OR4K5: variants seen among roughly 807,000 people sequenced by gnomAD.
OR4K5 encodes olfactory receptor family 4 subfamily K member 5.
For synonymous variants in OR4K5, 187 were observed against 142.2 expected (o/e 1.31, Z -2.24); for missense variants, 520 against 377.1 (o/e 1.38, Z -3.14).
At position 19,921,361 on chromosome 14, in the gene OR4K5, G is replaced by A. The variant is rs772222279; in HGVS notation, c.755G>A (p.Gly252Glu). The change falls in exon 1 of 1, where the codon GGA becomes GAA. Residue 252 changes from glycine to glutamate, a missense_variant. Coordinates refer to ENST00000315915, the MANE Select transcript of OR4K5 (RefSeq NM_001005483.1). The part of the protein sequence containing the change: ...SHIAVVILFF[G>E]PCIFIYVWPF... Reference sequence around the variant, plus strand: ...ATTGCAGTAGTAATATTATTCTTTGGACCTTGCATCTTCATCTATGTGTGG... The same window carrying A: ...ATTGCAGTAGTAATATTATTCTTTGAACCTTGCATCTTCATCTATGTGTGG... 7.4e-6 allele frequency: 12 copies of A among 1,613,990 alleles called. No individual in the cohort carries two copies. The highest frequency in any genetic ancestry group is 2.7e-5 in the African/African-American group (2 of 74,914).
Position 19,920,744 on chromosome 14 carries a change from C to T in OR4K5, c.138C>T (p.Ile46=), listed in dbSNP as rs763569652. The T allele has an allele frequency of 1.9e-6, 3 of 1,614,012 alleles. No homozygotes were observed. The highest frequency in any genetic ancestry group is 2.7e-5 in the African/African-American group (2 of 74,932). ...TVIVLGNLLI[I]LTVTSDTSLH... ...TTGTGCTGGGAAATCTTCTCATTAT[C>T]CTCACAGTGACTTCTGATACCAGCC... The change falls in exon 1 of 1, where the codon ATC becomes ATT. Residue 46 remains isoleucine (I), a synonymous_variant. Coordinates refer to ENST00000315915, the MANE Select transcript of OR4K5 (RefSeq NM_001005483.1).
Position 19,920,868 on chromosome 14 carries a change from G to A in OR4K5, c.262G>A (p.Ala88Thr), listed in dbSNP as rs774678964. The A allele has an allele frequency of 6.2e-7, 1 of 1,614,170 alleles. No homozygotes were observed. The highest frequency in any genetic ancestry group is 2.2e-5 in the East Asian group (1 of 44,894). Reference sequence around the variant, plus strand: ...TAAAATGATTGCAGATTTTCTGAGTGCACACGAGACCATATCTTTCAGTGG... The same window carrying A: ...TAAAATGATTGCAGATTTTCTGAGTACACACGAGACCATATCTTTCAGTGG... The part of the protein sequence containing the change: ...TPKMIADFLS[A>T]HETISFSGCI... The change falls in exon 1 of 1, where the codon GCA becomes ACA. Residue 88 changes from alanine to threonine, a missense_variant. Transcript: ENST00000315915.
At position 19,920,925 on chromosome 14, in the gene OR4K5, T is replaced by C; in HGVS notation, c.319T>C (p.Phe107Leu). ...CIAQIFFIHLFTGGEMVLLVS... is the reference protein window; with the variant it reads ...CIAQIFFIHLLTGGEMVLLVS... The stretch of plus-strand genomic sequence containing the variant: ...AGCCCAAATTTTCTTTATTCACCTT[T>C]TTACTGGAGGGGAGATGGTGCTACT... The change falls in exon 1 of 1, where the codon TTT (phenylalanine) becomes CTT (leucine). Residue 107 changes from phenylalanine (F) to leucine (L), a missense_variant. Transcript: ENST00000315915. 1 of 1,614,184 alleles carries C rather than the reference T, an allele frequency of 6.2e-7. No homozygotes were observed. Among genetic ancestry groups the C allele is most frequent in the Non-Finnish European group, 8.5e-7 (1 of 1,179,998 alleles).
Position 19,920,675 on chromosome 14 carries a change from C to T in OR4K5, c.69C>T (p.Leu23=), listed in dbSNP as rs144511665. 1.2e-4 allele frequency: 187 copies of T among 1,613,844 alleles called. No individual in the cohort carries two copies. In the African/African-American group the frequency reaches 2.2e-3, roughly 19 times the overall value. The change falls in exon 1 of 1, where the codon CTC becomes CTT. Residue 23 remains leucine, a synonymous_variant. Transcript: ENST00000315915. ...VLLGLCSSQK[L]QLFYFCFFSV... Reference sequence around the variant, plus strand: ...TGGGACTCTGTAGTTCTCAAAAACTCCAGCTTTTCTATTTTTGTTTCTTCT... The same window carrying T: ...TGGGACTCTGTAGTTCTCAAAAACTTCAGCTTTTCTATTTTTGTTTCTTCT...
chr14:19,920,916 A>T lies in OR4K5; in HGVS notation c.310A>T (p.Ile104Phe). 4 of 1,614,150 alleles carry T rather than the reference A, an allele frequency of 2.5e-6. No homozygotes were observed. The highest frequency in any genetic ancestry group is 3.4e-6 in the Non-Finnish European group (4 of 1,179,996). Residue 104 changes from isoleucine (I) to phenylalanine (F), a missense_variant, in exon 1 of 1, where the codon ATT becomes TTT. By Grantham distance (21) the Ile-to-Phe change is conservative (BLOSUM62 0). Coordinates refer to ENST00000315915, the MANE Select transcript of OR4K5 (RefSeq NM_001005483.1). ...FSGCIAQIFF[I>F]HLFTGGEMVL... ...TGGCTGCATAGCCCAAATTTTCTTT[A>T]TTCACCTTTTTACTGGAGGGGAGAT...
chr14:19,921,031 C>G lies in OR4K5; in HGVS notation c.425C>G (p.Thr142Ser). The change falls in exon 1 of 1, where the codon ACT (threonine) becomes AGT (serine). Residue 142 changes from threonine to serine, a missense_variant. Thr to Ser is a moderately conservative substitution (Grantham distance 58). Transcript: ENST00000315915. ...YVVIMSRRTC[T>S]VLVMISWAVS... ...GTCATCATGAGCCGAAGGACATGCA[C>G]TGTCTTGGTAATGATCTCCTGGGCT... 1 of 1,614,180 alleles carries G rather than the reference C, an allele frequency of 6.2e-7. No homozygotes were observed. The highest frequency in any genetic ancestry group is 8.5e-7 in the Non-Finnish European group (1 of 1,180,000).
Position 19,921,420 on chromosome 14 carries a change from GC to G in OR4K5, c.816del (p.Ile273TyrfsTer10). 6.2e-7 allele frequency: 1 copy of G among 1,614,032 alleles called. No individual in the cohort carries two copies. Among genetic ancestry groups the G allele is most frequent in the Non-Finnish European group, 8.5e-7 (1 of 1,179,968 alleles). ...FTISPLDKFL[A>X]IFYTVFTPVL... The stretch of plus-strand genomic sequence containing the variant: ...CATCTCTCCTTTGGATAAATTTCTT[GC>G]CATATTTTACACTGTTTTCACCCCC... On this transcript the variant is annotated frameshift_variant, in exon 1 of 1. Transcript: ENST00000315915. LOFTEE classifies it low-confidence loss of function (END_TRUNC).
rs1412627946 is a variant in OR4K5, at chr14:19,920,649, T to C, written c.43T>C (p.Leu15=). The change falls in exon 1 of 1, where the codon TTG becomes CTG. Residue 15 remains leucine (L), a synonymous_variant. Transcript: ENST00000315915. ...NSSVVSEFVL[L]GLCSSQKLQL... ...TTCAGTGGTGTCTGAATTTGTACTG[T>C]TGGGACTCTGTAGTTCTCAAAAACT... 3 of 1,613,596 alleles carry C rather than the reference T, an allele frequency of 1.9e-6. No homozygotes were observed. Among genetic ancestry groups the C allele is most frequent in the Non-Finnish European group, 1.7e-6 (2 of 1,179,836 alleles).
rs775499307 is a variant in OR4K5 at position 19,921,306 on chromosome 14, G to A, written c.700G>A (p.Ala234Thr). Residue 234 changes from alanine to threonine, a missense_variant, in exon 1 of 1, where the codon GCA becomes ACA. Coordinates refer to ENST00000315915, the MANE Select transcript of OR4K5 (RefSeq NM_001005483.1). ...TVWLKSSAAM[A>T]KAFSTLASHI... Reference sequence around the variant, plus strand: ...TTGGCTCAAGTCTTCAGCTGCAATGGCAAAGGCATTTTCTACGCTGGCTTC... The same window carrying A: ...TTGGCTCAAGTCTTCAGCTGCAATGACAAAGGCATTTTCTACGCTGGCTTC... 1 of 1,614,140 alleles carries A rather than the reference G, an allele frequency of 6.2e-7. No individual in the cohort carries two copies. The highest frequency in any genetic ancestry group is 8.5e-7 in the Non-Finnish European group (1 of 1,179,994).
rs1329229264 is a variant in OR4K5, at chr14:19,920,848, T to A, written c.242T>A (p.Met81Lys). Residue 81 changes from methionine to lysine, a missense_variant, in exon 1 of 1, where the codon ATG (methionine) becomes AAG (lysine). Physicochemically the swap from Met to Lys is moderately conservative, Grantham distance 95. Coordinates refer to ENST00000315915, the MANE Select transcript of OR4K5 (RefSeq NM_001005483.1). ...ICQASFATPK[M>K]IADFLSAHET... ...CAGGCTTCTTTTGCTACCCCTAAAA[T>A]GATTGCAGATTTTCTGAGTGCACAC... 1 of 1,614,098 alleles carries A rather than the reference T, an allele frequency of 6.2e-7. No individual in the cohort carries two copies. The highest frequency in any genetic ancestry group is 2.2e-5 in the East Asian group (1 of 44,904).
chr14:19,920,980 C>T lies in OR4K5; in HGVS notation c.374C>T (p.Ala125Val). 6.2e-7 allele frequency: 1 copy of T among 1,614,162 alleles called. No homozygotes were observed. Among genetic ancestry groups the T allele is most frequent in the Non-Finnish European group, 8.5e-7 (1 of 1,179,996 alleles). ...LVSMAYDRYV[A>V]ICKPLYYVVI... Reference sequence around the variant, plus strand: ...TCGATGGCCTATGACAGGTATGTAGCCATATGCAAACCCTTATACTATGTG... The same window carrying T: ...TCGATGGCCTATGACAGGTATGTAGTCATATGCAAACCCTTATACTATGTG... Residue 125 changes from alanine (A) to valine (V), a missense_variant, in exon 1 of 1, where the codon GCC (alanine) becomes GTC (valine). Transcript: ENST00000315915.
Position 19,920,921 on chromosome 14 carries a change from C to T in OR4K5, c.315C>T (p.His105=). The T allele has an allele frequency of 1.2e-6, 2 of 1,614,178 alleles. No homozygotes were observed. Among genetic ancestry groups the T allele is most frequent in the South Asian group, 1.1e-5 (1 of 91,086 alleles). The change falls in exon 1 of 1, where the codon CAC becomes CAT. Residue 105 remains histidine, a synonymous_variant. Coordinates refer to ENST00000315915, the MANE Select transcript of OR4K5 (RefSeq NM_001005483.1). ...GCATAGCCCAAATTTTCTTTATTCA[C>T]CTTTTTACTGGAGGGGAGATGGTGC... ...SGCIAQIFFI[H]LFTGGEMVLL...
rs747524325 is a variant in OR4K5 at position 19,921,006 on chromosome 14, G to A, written c.400G>A (p.Val134Ile). The A allele has an allele frequency of 2.5e-6, 4 of 1,614,070 alleles. No homozygotes were observed. Among genetic ancestry groups the A allele is most frequent in the African/African-American group, 2.7e-5 (2 of 74,946 alleles). The stretch of plus-strand genomic sequence containing the variant: ...CATATGCAAACCCTTATACTATGTG[G>A]TCATCATGAGCCGAAGGACATGCAC... Reference protein sequence around the residue: ...VAICKPLYYVVIMSRRTCTVL... With the variant: ...VAICKPLYYVIIMSRRTCTVL... Residue 134 changes from valine (V) to isoleucine (I), a missense_variant, in exon 1 of 1, where the codon GTC becomes ATC. Transcript: ENST00000315915.
Position 19,921,441 on chromosome 14 carries a change from A to AC in OR4K5, c.840dup (p.Val281ArgfsTer12), listed in dbSNP as rs1478682621. 1 of 1,613,988 alleles carries AC rather than the reference A, an allele frequency of 6.2e-7. No homozygotes were observed. The highest frequency in any genetic ancestry group is 8.5e-7 in the Non-Finnish European group (1 of 1,179,954). ...TCTTGCCATATTTTACACTGTTTTC[A>AC]CCCCCGTCCTAAACCCCATTATTTA... On this transcript the variant is annotated frameshift_variant, in exon 1 of 1. Transcript: ENST00000315915. LOFTEE classifies it low-confidence loss of function (END_TRUNC).
Position 19,920,932 on chromosome 14 carries a change from G to C in OR4K5, c.326G>C (p.Gly109Ala). ...AQIFFIHLFT[G>A]GEMVLLVSMA... is the part of the protein sequence containing the mutation. Reference sequence around the variant, plus strand: ...ATTTTCTTTATTCACCTTTTTACTGGAGGGGAGATGGTGCTACTTGTTTCG... The same window carrying C: ...ATTTTCTTTATTCACCTTTTTACTGCAGGGGAGATGGTGCTACTTGTTTCG... Residue 109 changes from glycine to alanine, a missense_variant, in exon 1 of 1, where the codon GGA becomes GCA. Physicochemically the swap from Gly to Ala is moderately conservative, Grantham distance 60 (BLOSUM62 0). Transcript: ENST00000315915. 6.2e-7 allele frequency: 1 copy of C among 1,614,170 alleles called. No individual in the cohort carries two copies. The highest frequency in any genetic ancestry group is 8.5e-7 in the Non-Finnish European group (1 of 1,179,996).
chr14:19,921,025 C>T lies in OR4K5; in HGVS notation c.419C>T (p.Thr140Ile). Residue 140 changes from threonine (T) to isoleucine (I), a missense_variant, in exon 1 of 1, where the codon ACA (threonine) becomes ATA (isoleucine). By Grantham distance (89) the Thr-to-Ile change is moderately conservative. Transcript: ENST00000315915. The stretch of plus-strand genomic sequence containing the variant: ...TATGTGGTCATCATGAGCCGAAGGA[C>T]ATGCACTGTCTTGGTAATGATCTCC... ...LYYVVIMSRR[T>I]CTVLVMISWA... is the part of the protein sequence containing the mutation. 6.2e-7 allele frequency: 1 copy of T among 1,614,178 alleles called. No homozygotes were observed. The highest frequency in any genetic ancestry group is 8.5e-7 in the Non-Finnish European group (1 of 1,179,992).
chr14:19,920,920 A>C lies in OR4K5; in HGVS notation c.314A>C (p.His105Pro), dbSNP rs75017599. The stretch of plus-strand genomic sequence containing the variant: ...TGCATAGCCCAAATTTTCTTTATTC[A>C]CCTTTTTACTGGAGGGGAGATGGTG... ...SGCIAQIFFI[H>P]LFTGGEMVLL... is the part of the protein sequence containing the mutation. Residue 105 changes from histidine to proline, a missense_variant, in exon 1 of 1, where the codon CAC becomes CCC. By Grantham distance (77) the His-to-Pro change is moderately conservative (BLOSUM62 -2). Coordinates refer to ENST00000315915, the MANE Select transcript of OR4K5 (RefSeq NM_001005483.1). 1,048 of 1,613,862 alleles carry C rather than the reference A, an allele frequency of 6.5e-4. 2 individuals carry two copies. In the African/African-American group the frequency reaches 0.012, roughly 19 times the overall value.
At position 19,920,772 on chromosome 14, in the gene OR4K5, C is replaced by T. The variant is rs750300660; in HGVS notation, c.166C>T (p.His56Tyr). 1.7e-5 allele frequency: 28 copies of T among 1,614,026 alleles called. No individual in the cohort carries two copies. The highest frequency in any genetic ancestry group is 2.2e-5 in the Non-Finnish European group (26 of 1,179,968). The change falls in exon 1 of 1, where the codon CAC becomes TAC. Residue 56 changes from histidine (H) to tyrosine (Y), a missense_variant. Coordinates refer to ENST00000315915, the MANE Select transcript of OR4K5 (RefSeq NM_001005483.1). ...ILTVTSDTSL[H>Y]SPMYFLLGNL... ...CACAGTGACTTCTGATACCAGCCTGCACTCCCCTATGTACTTTCTCTTGGG... is the reference window on the plus strand; with the variant it reads ...CACAGTGACTTCTGATACCAGCCTGTACTCCCCTATGTACTTTCTCTTGGG...
rs202035727 is a variant in OR4K5 at position 19,921,105 on chromosome 14, C to T, written c.499C>T (p.Pro167Ser). ...CCAGTTATCATTTACTGTGAACCTG[C>T]CTTTTTGTGGACCTAATGTAGTAGA... ...LSQLSFTVNL[P>S]FCGPNVVDSF... is the part of the protein sequence containing the mutation. The change falls in exon 1 of 1, where the codon CCT (proline) becomes TCT (serine). Residue 167 changes from proline (P) to serine (S), a missense_variant. By Grantham distance (74) the Pro-to-Ser change is moderately conservative. Transcript: ENST00000315915. 20 of 1,614,146 alleles carry T rather than the reference C, an allele frequency of 1.2e-5. No individual in the cohort carries two copies. Among genetic ancestry groups the T allele is most frequent in the Non-Finnish European group, 5.1e-6 (6 of 1,179,986 alleles).
Sources: allele counts gnomAD v4.1 joint callset, GRCh38; gene constraint gnomAD v4.1.1; transcripts MANE v1.5; gene names NCBI Gene and HGNC (gene_info 2026-07-23, HGNC 2026-07-21).